EYS: variants seen among roughly 807,000 people sequenced by gnomAD.
The protein encoded by EYS is EGF-like photoreceptor maintenance factor, also known as protein eyes shut homolog.
In EYS, 250 loss-of-function variants were observed where a neutral mutation model predicts 282.1. The ratio of observed to expected loss-of-function variants is 0.89; its 90% confidence interval spans 0.80 to 0.98. The LOEUF (loss-of-function observed/expected upper bound fraction) is 0.98. Among genes scored for constraint, EYS ranks in the 50% least tolerant of loss-of-function variants. The pLI is 0.00. For synonymous variants in EYS, 1,355 were observed against 1,282.9 expected, an observed-to-expected ratio of 1.06 and a Z score of -1.20; for missense variants, 4,016 against 3,709.0, an observed-to-expected ratio of 1.08 and a Z score of -2.15.
At chr6:64,994,786 T>C (rs1771190692) in intron 14 of EYS, among the ~76,000 whole-genome samples, 1 of 152,174 alleles carries the variant, frequency 6.6e-6, no homozygotes, top group Non-Finnish European at 1.5e-5. Flanking sequence ...CTATTTTTGT[T>C]TTATTATTAT....
intron 22 of EYS, among the ~76,000 whole-genome samples, chr6:64,690,384 T>C (rs1407179068): frequency 6.6e-6 from 1 of 152,034 alleles, no homozygotes; most frequent in Non-Finnish European, 1.5e-5. Context: ...TTGGTGGGAG[T>C]GTAAACTAGT....
chr6:65,013,459 G>A (rs750905385), intron 13 of EYS, among the ~76,000 whole-genome samples: 11 of 152,118 alleles, frequency 7.2e-5, no homozygotes, highest in South Asian at 2.1e-4. Context: ...CAAGTAAATC[G>A]GTGCAATAAG....
At chr6:65,356,666 T>C (rs1449155231) in intron 8 of EYS, among the ~76,000 whole-genome samples, 2 of 152,066 alleles carry the variant, frequency 1.3e-5, no homozygotes, top group Non-Finnish European at 2.9e-5. Flanking sequence ...ATTATAACTT[T>C]AGATAAAATT....
rs1562242449 is a variant in EYS, at chr6:64,885,306, C to T, written c.2992+1391G>A. On this transcript the variant is annotated intron_variant, in intron 19 of 42. Coordinates refer to ENST00000503581, the MANE Select transcript of EYS (RefSeq NM_001142800.2). ...ATCATTTTAAAACAATGCTAAGTAC[C>T]ATATTTTGAAATGAAATTAAAGAGG... Among the ~76,000 whole-genome samples the T allele has an allele frequency of 2.0e-5, 3 of 151,542 alleles. No individual in the cohort carries two copies. In the East Asian group the frequency reaches 5.8e-4, roughly 29 times the overall value.
At chr6:65,128,953 G>A (rs1424691446) in intron 12 of EYS, among the ~76,000 whole-genome samples, 1 of 151,790 alleles carries the variant, frequency 6.6e-6, no homozygotes, top group Non-Finnish European at 1.5e-5. Context: ...GCATGGAACT[G>A]GTACAATAGA....
chr6:64,409,816 G>C (rs770900849), intron 28 of EYS, among the ~76,000 whole-genome samples: 3 of 152,078 alleles, frequency 2.0e-5, no homozygotes, highest in Non-Finnish European at 4.4e-5. Context: ...AGGGTCTCAA[G>C]TACATTTATG....
At chr6:64,956,828 T>A (rs1310116800) in intron 14 of EYS, among the ~76,000 whole-genome samples, 1 of 152,126 alleles carries the variant, frequency 6.6e-6, no homozygotes, top group East Asian at 1.9e-4. Context: ...AACAGGCATA[T>A]GAAAAGGTGC....
At chr6:64,984,922 A>G (rs1267537355) in intron 14 of EYS, among the ~76,000 whole-genome samples, 1 of 151,480 alleles carries the variant, frequency 6.6e-6, no homozygotes, top group East Asian at 1.9e-4. Flanking sequence ...TCCCTTTAAC[A>G]AAGTACAAAT....
chr6:64,015,968 C>A (rs1329973605), intron 33 of EYS, among the ~76,000 whole-genome samples: 1 of 152,198 alleles, frequency 6.6e-6, no homozygotes, highest in South Asian at 2.1e-4. Flanking sequence ...GAGTGCTGAG[C>A]TTTGTTGCTT....
chr6:64,090,240 CCT>C (rs1374413720), intron 31 of EYS, among the ~76,000 whole-genome samples: 2 of 152,058 alleles, frequency 1.3e-5, no homozygotes, highest in Admixed American at 6.6e-5. Context: ...AGAAATTCTC[CCT>C]GAGTGATCTC....
intron 26 of EYS, among the ~76,000 whole-genome samples, chr6:64,581,640 G>A (rs1032640427): frequency 2.6e-5 from 4 of 151,930 alleles, no homozygotes; most frequent in East Asian, 1.9e-4. Flanking sequence ...TGGTTCATAC[G>A]TGCATGTTAT....
At chr6:64,192,263 C>T (rs1372944071) in intron 31 of EYS, among the ~76,000 whole-genome samples, 1 of 151,706 alleles carries the variant, frequency 6.6e-6, no homozygotes, top group Non-Finnish European at 1.5e-5. Flanking sequence ...CGAAAATTTT[C>T]TCCCATTTTG....
chr6:65,614,281 T>A (rs1766106533), intron 2 of EYS, among the ~76,000 whole-genome samples: 1 of 152,042 alleles, frequency 6.6e-6, no homozygotes, highest in Non-Finnish European at 1.5e-5. Context: ...CTTGCTACAC[T>A]GTACTTCACC....
intron 12 of EYS, among the ~76,000 whole-genome samples, chr6:65,069,272 T>G (rs1773838695): frequency 2.0e-5 from 3 of 151,952 alleles, no homozygotes; most frequent in Non-Finnish European, 2.9e-5. Context: ...ACAGAAAACT[T>G]TCATCTTACA....
At chr6:64,996,692 G>C (rs535892443) in intron 14 of EYS, among the ~76,000 whole-genome samples, 2 of 152,264 alleles carry the variant, frequency 1.3e-5, no homozygotes, top group South Asian at 4.1e-4. Flanking sequence ...ATTCCATTAG[G>C]TATCTGCAGT....
intron 30 of EYS, among the ~76,000 whole-genome samples, 180 bp from the exon 31 acceptor site, chr6:64,231,004 A>C (rs1177505628): frequency 6.6e-6 from 1 of 152,240 alleles, no homozygotes; most frequent in African/African-American, 2.4e-5. Context: ...GTAAATGTTA[A>C]AAATTTCTGA....
intron 18 of EYS, among the ~76,000 whole-genome samples, chr6:64,898,805 A>G (rs1433139786): frequency 1.3e-5 from 2 of 151,602 alleles, no homozygotes; most frequent in East Asian, 3.9e-4. Context: ...CAGGTGTTAC[A>G]ATCCTAGTCT....
chr6:65,590,856 C>CTTT (rs1015375138), intron 2 of EYS, among the ~76,000 whole-genome samples: 1 of 145,374 alleles, frequency 6.9e-6, no homozygotes, highest in Non-Finnish European at 1.5e-5. Flanking sequence ...AAATATACCA[C>CTTT]TTTTTTTTTT....
At chr6:64,972,804 C>A (rs1770340892) in intron 14 of EYS, among the ~76,000 whole-genome samples, 1 of 151,970 alleles carries the variant, frequency 6.6e-6, no homozygotes. Context: ...CCCCCAACAC[C>A]CACATTGTTC....
Sources: allele counts gnomAD v4.1 joint callset (sites outside exome capture counted in the v4.1 genomes callset), GRCh38; gene constraint gnomAD v4.1.1; transcripts MANE v1.5; gene names NCBI Gene and HGNC (gene_info 2026-07-23, HGNC 2026-07-21).